PPP1CB: variants seen among roughly 807,000 people sequenced by gnomAD.
PPP1CB encodes protein phosphatase 1 catalytic subunit beta.
PPP1CB carries 2 observed loss-of-function variants against 43.7 expected under a neutral mutation model. That is an observed-to-expected ratio of 0.05 (90% CI 0.02 to 0.14). The LOEUF (loss-of-function observed/expected upper bound fraction) is 0.14. Ranked by LOEUF, PPP1CB falls within the 10% of genes least tolerant of loss-of-function variation. The pLI, the probability that PPP1CB is intolerant of heterozygous loss-of-function variation, is 1.00. For synonymous variants in PPP1CB, 136 were observed against 135.6 expected (o/e 1.00, Z -0.02); for missense variants, 84 against 398.0 (o/e 0.21, Z 6.71).
At chr2:28,786,045 T>C (rs761508551) in intron 5 of PPP1CB, among the ~76,000 whole-genome samples, 1 of 152,180 alleles carries the variant, frequency 6.6e-6, no homozygotes, top group Non-Finnish European at 1.5e-5. Context: ...AAATTTAATT[T>C]ATAAGTTAAT....
At chr2:28,770,857 A>C (rs1019114197) in intron 1 of PPP1CB, among the ~76,000 whole-genome samples, 12 of 152,208 alleles carry the variant, frequency 7.9e-5, no homozygotes, top group African/African-American at 2.4e-4. Flanking sequence ...GTACATTTGA[A>C]AGAAATGACA....
chr2:28,777,075 G>T (rs1667058372), intron 2 of PPP1CB, 93 bp downstream of exon 2: 1 of 1,348,062 alleles, frequency 7.4e-7, no homozygotes, highest in South Asian at 1.4e-5. Context: ...TGAAATTTTT[G>T]TATAAAACAG....
Position 28,752,095 on chromosome 2 carries a change from C to G in PPP1CB, c.-30C>G, listed in dbSNP as rs1022919744. ...CGCCGCCGAGAAGCCCTTGTTCCCG[C>G]TGCTGGGAAGGAGAGTCTGTGCCGA... On this transcript the variant is annotated 5_prime_UTR_variant, in exon 1 of 8. Transcript: ENST00000395366. The G allele has an allele frequency of 1.0e-5, 16 of 1,549,282 alleles. No homozygotes were observed. In the Admixed American group the frequency reaches 2.9e-4, roughly 29 times the overall value.
chr2:28,796,763 ATTTC>A (rs1306320164), intron 7 of PPP1CB, among the ~76,000 whole-genome samples: 3 of 151,986 alleles, frequency 2.0e-5, no homozygotes, highest in African/African-American at 7.2e-5. Context: ...GATGCCTTTT[ATTTC>A]TTTATCTTGC....
intron 1 of PPP1CB, among the ~76,000 whole-genome samples, chr2:28,762,201 C>T (rs1048627407): frequency 6.6e-6 from 1 of 152,116 alleles, no homozygotes; most frequent in South Asian, 2.1e-4. Flanking sequence ...ACAAGAATTG[C>T]TTGAATCTGG....
At chr2:28,786,201 C>T (rs1300007951) in intron 5 of PPP1CB, among the ~76,000 whole-genome samples, 2 of 152,106 alleles carry the variant, frequency 1.3e-5, no homozygotes, top group African/African-American at 4.8e-5. Context: ...GCAACCTCCA[C>T]CTCCCAGGTT....
intron 6 of PPP1CB, among the ~76,000 whole-genome samples, chr2:28,790,209 AG>A (rs1667358072): frequency 6.6e-6 from 1 of 152,164 alleles, no homozygotes; most frequent in Non-Finnish European, 1.5e-5. Context: ...TGAGCTCAGG[AG>A]GCAGAGGTTG....
chr2:28,768,187 C>T (rs891407882), intron 1 of PPP1CB, among the ~76,000 whole-genome samples: 4 of 152,042 alleles, frequency 2.6e-5, no homozygotes, highest in African/African-American at 7.2e-5. Context: ...ACAAGGGAAG[C>T]GTATAGTGTG....
At position 28,770,564 on chromosome 2, in the gene PPP1CB, A is replaced by G. The variant is rs142875539; in HGVS notation, c.53-6287A>G. Among the ~76,000 whole-genome samples, 15 of 152,298 alleles carry G rather than the reference A, an allele frequency of 9.8e-5. No individual in the cohort carries two copies. In the East Asian group the frequency reaches 2.7e-3, roughly 27 times the overall value. ...GGAAAAATATCTAAAATTTTTATAT[A>G]TGTAATAGTATAGGTCTAAAACTAA... On this transcript the variant is annotated intron_variant, in intron 1 of 7. Coordinates refer to ENST00000395366, the MANE Select transcript of PPP1CB (RefSeq NM_002709.3).
At chr2:28,777,064 T>C in intron 2 of PPP1CB, 82 bp downstream of exon 2, 3 of 1,459,062 alleles carry the variant, frequency 2.1e-6, no homozygotes, top group Non-Finnish European at 2.8e-6. Context: ...AAAACATTTT[T>C]TGAAATTTTT....
chr2:28,762,537 A>G (rs1447723007), intron 1 of PPP1CB, among the ~76,000 whole-genome samples: 1 of 152,206 alleles, frequency 6.6e-6, no homozygotes, highest in Non-Finnish European at 1.5e-5. Flanking sequence ...AAGGAGGAGT[A>G]GTTTAATAGC....
At chr2:28,792,946 C>T (rs185601682) in intron 6 of PPP1CB, among the ~76,000 whole-genome samples, 119 of 152,320 alleles carry the variant, frequency 7.8e-4, no homozygotes, top group African/African-American at 2.8e-3. Context: ...TGGCTCACGC[C>T]TGTAATCCCA....
chr2:28,794,046 A>G (rs761538415), intron 7 of PPP1CB, 49 bp downstream of exon 7: 41 of 1,459,716 alleles, frequency 2.8e-5, no homozygotes, highest in East Asian at 1.2e-4. Flanking sequence ...AATAAAAACT[A>G]TTATCAGAAT....
chr2:28,793,032 C>G (rs994530467), intron 6 of PPP1CB, among the ~76,000 whole-genome samples: 2 of 152,048 alleles, frequency 1.3e-5, no homozygotes, highest in African/African-American at 4.8e-5. Context: ...ATGACAAAAC[C>G]TCATCTCTAC....
rs1667569347 is a variant in PPP1CB, at chr2:28,799,687, CTTGTT to C, written c.*392_*396del. 2 of 161,998 alleles carry C rather than the reference CTTGTT, an allele frequency of 1.2e-5. No homozygotes were observed. Among genetic ancestry groups the C allele is most frequent in the Non-Finnish European group, 2.7e-5 (2 of 74,604 alleles). 10.0% of individuals were successfully genotyped at this position (161,998 alleles called of 1,614,324 possible). A position where few individuals can be genotyped will look rare whatever the true frequency, so the allele number is the denominator to read the frequency against. On this transcript the variant is annotated 3_prime_UTR_variant, in exon 8 of 8. Coordinates refer to ENST00000395366, the MANE Select transcript of PPP1CB (RefSeq NM_002709.3). ...TGCTTGGTTGTTTAATTATTTTGAG[CTTGTT>C]TTGTTTTTGTTTGTTTTCACTAGAA...
Position 28,776,848 on chromosome 2 carries a change from C to T in PPP1CB, c.53-3C>T. Reference sequence around the variant, plus strand: ...ACTGACTGTTTTATTTATCGTTTGTCAGTACGAGGATGTCGTCCAGGAAAG... The same window carrying T: ...ACTGACTGTTTTATTTATCGTTTGTTAGTACGAGGATGTCGTCCAGGAAAG... On this transcript the variant is annotated splice_region_variant and splice_polypyrimidine_tract_variant and intron_variant, in intron 1 of 7. Coordinates refer to ENST00000395366, the MANE Select transcript of PPP1CB (RefSeq NM_002709.3). 6.3e-7 allele frequency: 1 copy of T among 1,590,552 alleles called. No individual in the cohort carries two copies. Among genetic ancestry groups the T allele is most frequent in the Non-Finnish European group, 8.6e-7 (1 of 1,164,352 alleles).
rs544382784 is a variant in PPP1CB, at chr2:28,755,275, A to G, written c.52+3099A>G. ...GCTGGTCTCGAACTTTCCATCCTCAAGTGATCCACCCGCCTCGGCCTCCCA... is the reference window on the plus strand; with the variant it reads ...GCTGGTCTCGAACTTTCCATCCTCAGGTGATCCACCCGCCTCGGCCTCCCA... On this transcript the variant is annotated intron_variant, in intron 1 of 7. Transcript: ENST00000395366. Among the ~76,000 whole-genome samples the G allele has an allele frequency of 5.3e-5, 8 of 152,168 alleles. No individual in the cohort carries two copies. The South Asian group carries it at 1.5e-3, about 28-fold the overall frequency.
Position 28,785,658 on chromosome 2 carries a change from T to A in PPP1CB, c.592+1680T>A, listed in dbSNP as rs368580492. ...CCCATCTCTACAGAGAAAAAAAAAA[T>A]TTTTTTTTTTAATTAGCCACATGTC... is the stretch of plus-strand genomic sequence containing the variant. On this transcript the variant is annotated intron_variant, in intron 5 of 7. Transcript: ENST00000395366. Among the ~76,000 whole-genome samples, 483 of 130,148 alleles carry A rather than the reference T, an allele frequency of 3.7e-3. 1 individual carries two copies. Among genetic ancestry groups the A allele is most frequent in the Non-Finnish European group, 6.1e-3 (337 of 55,358 alleles). The allele number at this position is 130,148 out of a possible 152,430, so 85.4% of individuals were successfully genotyped here. A position where few individuals can be genotyped will look rare whatever the true frequency, so the allele number is the denominator to read the frequency against.
chr2:28,759,339 A>T (rs934762924), intron 1 of PPP1CB, among the ~76,000 whole-genome samples: 3 of 152,060 alleles, frequency 2.0e-5, no homozygotes, highest in Admixed American at 2.0e-4. Flanking sequence ...AACATGGTGA[A>T]ACCCCATCTC....
Sources: gnomAD v4.1 joint callset for allele counts (sites outside exome capture counted in the v4.1 genomes callset) on GRCh38, gnomAD v4.1.1 for gene constraint, MANE v1.5 for transcripts, NCBI Gene and HGNC (gene_info 2026-07-23, HGNC 2026-07-21) for gene names.